STK3: variants seen among roughly 807,000 people sequenced by gnomAD.
The protein encoded by STK3 is serine/threonine kinase 3, also known as serine/threonine-protein kinase 3.
In STK3, 41 loss-of-function variants were observed where a neutral mutation model predicts 58.0. The ratio of observed to expected loss-of-function variants is 0.71; its 90% confidence interval spans 0.55 to 0.92. STK3 has a LOEUF of 0.92. Ranked by LOEUF, STK3 falls within the 40% of genes least tolerant of loss-of-function variation. The pLI is 0.00. For missense variants in STK3, 479 were observed against 602.7 expected, an observed-to-expected ratio of 0.79 and a Z score of 2.15; for synonymous variants, 170 against 191.0, an observed-to-expected ratio of 0.89 and a Z score of 0.91.
chr8:98,918,640 A>T (rs1319650530), intron 1 of STK3, among the ~76,000 whole-genome samples: 1 of 151,976 alleles, frequency 6.6e-6, no homozygotes, highest in Non-Finnish European at 1.5e-5. Flanking sequence ...TGGTGGCATG[A>T]ACCTGTGGTC....
At chr8:98,484,502 C>T (rs968319804) in intron 10 of STK3, among the ~76,000 whole-genome samples, 1 of 151,978 alleles carries the variant, frequency 6.6e-6, no homozygotes, top group South Asian at 2.1e-4. Flanking sequence ...GTGAAGGGAG[C>T]GAAGAGTCCA....
rs372042275 is a variant in STK3, at chr8:98,566,921, C to A, written c.948+12743G>T. ...GCCATATCCTAAAAGAAAGTCAGTT[C>A]CCCAGTACCAAAACTAAGTAGGTAA... On this transcript the variant is annotated intron_variant, in intron 8 of 10. Transcript: ENST00000419617. Among the ~76,000 whole-genome samples the A allele has an allele frequency of 9.9e-5, 15 of 152,278 alleles. No homozygotes were observed. In the East Asian group the frequency reaches 2.5e-3, roughly 25 times the overall value.
intron 2 of STK3, among the ~76,000 whole-genome samples, chr8:98,373,186 T>C (rs186481240): frequency 6.6e-6 from 1 of 152,154 alleles, no homozygotes; most frequent in Non-Finnish European, 1.5e-5. Context: ...CTTGCTTTTT[T>C]TGTGATTGCT....
At chr8:98,484,779 CTTG>C (rs555534521) in intron 10 of STK3, among the ~76,000 whole-genome samples, 360 of 152,092 alleles carry the variant, frequency 2.4e-3, no homozygotes, top group Non-Finnish European at 3.6e-3. Context: ...TTAAGATCTT[CTTG>C]TTATGACAAA....
chr8:98,364,761 G>A, the STK3 span, among the ~76,000 whole-genome samples: 2 of 152,170 alleles, frequency 1.3e-5, no homozygotes, highest in Non-Finnish European at 2.9e-5. Flanking sequence ...AGAATGCCTC[G>A]TATTTGCCTT....
At chr8:98,497,585 TA>T (rs1379536362) in intron 10 of STK3, among the ~76,000 whole-genome samples, 6 of 152,230 alleles carry the variant, frequency 3.9e-5, no homozygotes, top group African/African-American at 1.4e-4. Context: ...ACAGAGCTCT[TA>T]CAACTCAATA....
intron 3 of STK3, among the ~76,000 whole-genome samples, chr8:98,425,342 C>T (rs116916066): frequency 0.046 from 6,980 of 152,224 alleles, 212 homozygotes; most frequent in Non-Finnish European, 0.068. Flanking sequence ...CACACACACA[C>T]ACACACACAC....
chr8:98,692,544 C>T (rs977555819), intron 6 of STK3, among the ~76,000 whole-genome samples: 1 of 151,954 alleles, frequency 6.6e-6, no homozygotes, highest in Non-Finnish European at 1.5e-5. Flanking sequence ...AAGTAGAATA[C>T]TGGTTGCGAG....
intron 1 of STK3, among the ~76,000 whole-genome samples, chr8:98,794,611 A>G (rs1424498897): frequency 6.6e-6 from 1 of 152,178 alleles, no homozygotes; most frequent in Non-Finnish European, 1.5e-5. Context: ...GGCTGGTATC[A>G]ATCCTTCTGA....
intron 4 of STK3, among the ~76,000 whole-genome samples, chr8:98,707,846 T>G (rs1025837031): frequency 1.3e-5 from 2 of 152,032 alleles, no homozygotes; most frequent in Admixed American, 1.3e-4. Flanking sequence ...CTCTTTAAGA[T>G]TATCAGTATC....
Position 98,587,781 on chromosome 8 carries a change from C to G in STK3, c.823-7992G>C, listed in dbSNP as rs920937243. On this transcript the variant is annotated intron_variant, in intron 7 of 10. Coordinates refer to ENST00000419617, the MANE Select transcript of STK3 (RefSeq NM_006281.4). ...GACTTGCTTTATGAATCTGGGTGCT[C>G]CTGTGTTGGGTGCATATATATTTAG... Among the ~76,000 whole-genome samples the G allele has an allele frequency of 8.5e-5, 13 of 152,116 alleles. No homozygotes were observed. The East Asian group carries it at 2.5e-3, about 29-fold the overall frequency.
chr8:98,638,813 G>A (rs1207590114), intron 6 of STK3, among the ~76,000 whole-genome samples: 2 of 152,126 alleles, frequency 1.3e-5, no homozygotes, highest in African/African-American at 2.4e-5. Flanking sequence ...CACAGAGGGG[G>A]TGGTTTAAAA....
intron 3 of STK3, among the ~76,000 whole-genome samples, chr8:98,856,913 T>C (rs974475870): frequency 6.6e-6 from 1 of 152,164 alleles, no homozygotes; most frequent in Non-Finnish European, 1.5e-5. Context: ...ATAACATAGA[T>C]GAACCTTGAA....
intron 8 of STK3, among the ~76,000 whole-genome samples, chr8:98,575,338 A>C: frequency 7.5e-6 from 1 of 133,510 alleles, no homozygotes. Flanking sequence ...AGACCTAGTG[A>C]CTTGTTTTTT....
chr8:98,362,800 C>G, the STK3 span, among the ~76,000 whole-genome samples: 1 of 152,228 alleles, frequency 6.6e-6, no homozygotes, highest in African/African-American at 2.4e-5. Context: ...GAAGAGGCCG[C>G]TCCCTTCACT....
At position 98,760,887 on chromosome 8, in the gene STK3, A is replaced by C. The variant is rs548872006; in HGVS notation, c.236+6356T>G. On this transcript the variant is annotated intron_variant, in intron 3 of 10. Transcript: ENST00000419617. ...TATTAAAAAAAAATGAGAAAAACCA[A>C]AGGGGAAAAATGGAAAAAGGACTAC... 8.5e-5 allele frequency among the ~76,000 whole-genome samples: 13 copies of C among 152,194 alleles called. No homozygotes were observed. The East Asian group carries it at 2.5e-3, about 29-fold the overall frequency.
At chr8:98,403,151 C>G (rs1380211171) in intron 3 of STK3, among the ~76,000 whole-genome samples, 1 of 152,242 alleles carries the variant, frequency 6.6e-6, no homozygotes, top group African/African-American at 2.4e-5. Context: ...GGTGGGCCTG[C>G]CTTGCAGGAG....
the STK3 span, among the ~76,000 whole-genome samples, chr8:98,347,161 C>T: frequency 2.0e-5 from 3 of 151,608 alleles, no homozygotes; most frequent in Non-Finnish European, 4.4e-5. Flanking sequence ...CACTAAATAA[C>T]AAAACAAAGA....
intron 3 of STK3, among the ~76,000 whole-genome samples, chr8:98,765,486 G>A (rs901937559): frequency 3.3e-5 from 5 of 152,028 alleles, no homozygotes; most frequent in African/African-American, 1.2e-4. Flanking sequence ...CTAATTACAG[G>A]GCCCTGAATT....
Sources: gnomAD v4.1 joint callset for allele counts (sites outside exome capture counted in the v4.1 genomes callset) on GRCh38, gnomAD v4.1.1 for gene constraint, MANE v1.5 for transcripts, NCBI Gene and HGNC (gene_info 2026-07-23, HGNC 2026-07-21) for gene names.